The following AKAP19 variants were observed in gnomAD, a reference collection of about 807,000 sequenced individuals.
AKAP19 encodes small A-kinase anchoring protein.
chr2:190,017,130 T>C, the AKAP19 span, among the ~76,000 whole-genome samples: 1 of 152,186 alleles, frequency 6.6e-6, no homozygotes, highest in African/African-American at 2.4e-5. Flanking sequence ...CATTTGCTTA[T>C]AATATTTTTT....
chr2:189,912,003 G>C, the AKAP19 span, among the ~76,000 whole-genome samples: 7 of 151,376 alleles, frequency 4.6e-5, no homozygotes, highest in Non-Finnish European at 1.0e-4. Flanking sequence ...TAATATATAT[G>C]TATATCCAGT....
the AKAP19 span, among the ~76,000 whole-genome samples, chr2:189,906,810 A>T: frequency 6.6e-6 from 1 of 152,190 alleles, no homozygotes; most frequent in African/African-American, 2.4e-5. Context: ...AAGCATAAAA[A>T]AAACCAAGAA....
the AKAP19 span, among the ~76,000 whole-genome samples, chr2:189,979,685 G>A: frequency 6.6e-6 from 1 of 152,008 alleles, no homozygotes; most frequent in Non-Finnish European, 1.5e-5. Context: ...TGACATAGGA[G>A]TAATACTTAG....
At chr2:190,007,424 A>G in the AKAP19 span, among the ~76,000 whole-genome samples, 1 of 152,152 alleles carries the variant, frequency 6.6e-6, no homozygotes, top group Non-Finnish European at 1.5e-5. Flanking sequence ...TAATCAAGTT[A>G]CCACAACCTA....
chr2:190,094,341 T>C, the AKAP19 span, among the ~76,000 whole-genome samples: 7 of 152,228 alleles, frequency 4.6e-5, no homozygotes, highest in Non-Finnish European at 1.0e-4. Context: ...TCTGATCTTT[T>C]CAGCAGTCCT....
chr2:190,079,134 A>G, the AKAP19 span: 13 of 152,164 alleles, frequency 8.5e-5, no homozygotes, highest in Admixed American at 1.3e-4. Context: ...CCTTTTGGGT[A>G]GTTAATAGGA....
At chr2:190,161,548 C>A in the AKAP19 span, among the ~76,000 whole-genome samples, 3 of 152,124 alleles carry the variant, frequency 2.0e-5, no homozygotes, top group Non-Finnish European at 4.4e-5. Flanking sequence ...CTCTTAGACT[C>A]AACACAAAAT....
At chr2:189,918,844 C>G in the AKAP19 span, among the ~76,000 whole-genome samples, 1 of 152,224 alleles carries the variant, frequency 6.6e-6, no homozygotes, top group East Asian at 1.9e-4. Context: ...AGTACTGGCA[C>G]ATAGTATAGT....
chr2:190,047,954 C>T, the AKAP19 span, among the ~76,000 whole-genome samples: 12 of 152,200 alleles, frequency 7.9e-5, no homozygotes, highest in Admixed American at 4.6e-4. Flanking sequence ...GCTAAATGTC[C>T]GACACCTGCA....
At chr2:189,944,358 G>A in the AKAP19 span, among the ~76,000 whole-genome samples, 2 of 152,002 alleles carry the variant, frequency 1.3e-5, no homozygotes, top group African/African-American at 2.4e-5. Context: ...ACCTGTTCCC[G>A]TTTGCCTTCC....
At chr2:189,919,461 C>A in the AKAP19 span, among the ~76,000 whole-genome samples, 1 of 151,244 alleles carries the variant, frequency 6.6e-6, no homozygotes, top group East Asian at 1.9e-4. Flanking sequence ...ATGTGCAGAA[C>A]GTGCAGGTTT....
chr2:190,059,073 A>C, the AKAP19 span, among the ~76,000 whole-genome samples: 1 of 151,896 alleles, frequency 6.6e-6, no homozygotes, highest in South Asian at 2.1e-4. Context: ...ATTTTAAAGA[A>C]TGTTTTATTT....
the AKAP19 span, among the ~76,000 whole-genome samples, chr2:189,976,361 G>C: frequency 6.6e-6 from 1 of 152,242 alleles, no homozygotes. Context: ...GGGGGTACCA[G>C]CCATGTGAGG....
the AKAP19 span, among the ~76,000 whole-genome samples, chr2:190,025,047 T>C: frequency 2.0e-5 from 3 of 152,210 alleles, no homozygotes; most frequent in African/African-American, 7.2e-5. Flanking sequence ...TTTAGACACC[T>C]CTTTGCATTT....
chr2:190,100,541 G>A, the AKAP19 span, among the ~76,000 whole-genome samples: 12,897 of 152,078 alleles, frequency 0.085, 1,365 homozygotes, highest in African/African-American at 0.25. Context: ...AAATAACTAC[G>A]TTTGAGACTC....
At chr2:190,071,994 A>G in the AKAP19 span, among the ~76,000 whole-genome samples, 1 of 152,204 alleles carries the variant, frequency 6.6e-6, no homozygotes, top group Non-Finnish European at 1.5e-5. Flanking sequence ...AAAGCATGGA[A>G]CGATTTAATA....
At chr2:190,111,365 C>T in the AKAP19 span, among the ~76,000 whole-genome samples, 6 of 152,250 alleles carry the variant, frequency 3.9e-5, no homozygotes, top group South Asian at 1.2e-3. Context: ...AAATTACTGA[C>T]TGGTACATCA....
the AKAP19 span, among the ~76,000 whole-genome samples, chr2:190,077,025 AT>A: frequency 1.3e-5 from 2 of 151,102 alleles, no homozygotes; most frequent in Non-Finnish European, 1.5e-5. Flanking sequence ...GGTACAACTG[AT>A]TTTTTTTTCC....
chr2:189,885,169 C>T, the AKAP19 span, among the ~76,000 whole-genome samples: 1 of 152,152 alleles, frequency 6.6e-6, no homozygotes, highest in Non-Finnish European at 1.5e-5. Flanking sequence ...CCTCCACTCT[C>T]GAATCTGAGC....
Sources: allele counts gnomAD v4.1 joint callset (sites outside exome capture counted in the v4.1 genomes callset), GRCh38; gene constraint gnomAD v4.1.1; transcripts MANE v1.5; gene names NCBI Gene and HGNC (gene_info 2026-07-23, HGNC 2026-07-21).